SAP130: variants seen among roughly 807,000 people sequenced by gnomAD.
SAP130 encodes histone deacetylase complex subunit SAP130.
SAP130 carries 16 observed loss-of-function variants against 103.2 expected under a neutral mutation model. The observed-to-expected ratio is 0.16, with a 90% CI of 0.10 to 0.24. SAP130 has a LOEUF of 0.24. SAP130 is among the 10% of genes least tolerant of loss of function. The pLI is 1.00. For synonymous variants in SAP130, 477 were observed against 497.0 expected, an observed-to-expected ratio of 0.96 and a Z score of 0.53; for missense variants, 990 against 1,359.7, an observed-to-expected ratio of 0.73 and a Z score of 4.28.
At chr2:127,977,654 G>A (rs1045564517) in intron 15 of SAP130, among the ~76,000 whole-genome samples, 9 of 152,168 alleles carry the variant, frequency 5.9e-5, no homozygotes, top group African/African-American at 9.7e-5. Flanking sequence ...ATAGGAATGC[G>A]CAATGCCCAC....
Position 127,989,915 on chromosome 2 carries a change from A to G in SAP130, c.1478-49T>C, listed in dbSNP as rs755292091. 6.5e-7 allele frequency: 1 copy of G among 1,546,066 alleles called. No individual in the cohort carries two copies. The highest frequency in any genetic ancestry group is 1.8e-5 in the Admixed American group (1 of 57,076). On this transcript the variant is annotated intron_variant, in intron 12 of 20. Transcript: ENST00000643581. This position sits in a 1 kb window ranked among gnomAD's most constrained non-coding sequence, Gnocchi z 4.6. ...TATAAGAAGGTTAGCTTCATTTCAC[A>G]CAGTCCACATAAAGAGAGAAACACT...
intron 15 of SAP130, among the ~76,000 whole-genome samples, chr2:127,967,310 A>G (rs1207944691): frequency 6.6e-6 from 1 of 152,250 alleles, no homozygotes; most frequent in Non-Finnish European, 1.5e-5. Context: ...AAACCTTCGC[A>G]CATCAAAGAA....
At chr2:128,027,107 G>GCCGCCCGCA (rs757242055) in intron 1 of SAP130, 4 of 1,416,342 alleles carry the variant, frequency 2.8e-6, no homozygotes, top group East Asian at 3.0e-5. Context: ...GCCGCCGCCC[G>GCCGCCCGCA]CCGCCCGCAC....
Position 127,942,689 on chromosome 2 carries a change from G to A in SAP130, c.2902-152C>T. ...TTCTCCTAAGGACTAAGATACTAAGGTTTAAAAACAGTAAAGGGGCTGGGC... is the reference window on the plus strand; with the variant it reads ...TTCTCCTAAGGACTAAGATACTAAGATTTAAAAACAGTAAAGGGGCTGGGC... On this transcript the variant is annotated intron_variant, in intron 19 of 20. Coordinates refer to ENST00000643581, the MANE Select transcript of SAP130 (RefSeq NM_001330301.2). The surrounding 1 kb of genome is among the most constrained non-coding windows in gnomAD (Gnocchi z 4.8). 6 of 609,388 alleles carry A rather than the reference G, an allele frequency of 9.8e-6. No individual in the cohort carries two copies. The highest frequency in any genetic ancestry group is 1.7e-5 in the Non-Finnish European group (6 of 342,916). The allele number at this position is 609,388 out of a possible 1,614,324, so 37.7% of individuals were successfully genotyped here.
chr2:127,955,368 T>G lies in SAP130; in HGVS notation c.2064-24A>C. 3 of 1,503,278 alleles carry G rather than the reference T, an allele frequency of 2.0e-6. No individual in the cohort carries two copies. The highest frequency in any genetic ancestry group is 2.7e-6 in the Non-Finnish European group (3 of 1,117,128). 93.1% of individuals were successfully genotyped at this position (1,503,278 alleles called of 1,614,324 possible). A position where few individuals can be genotyped will look rare whatever the true frequency, so the allele number is the denominator to read the frequency against. The stretch of plus-strand genomic sequence containing the variant: ...CACTAAAACACAAAAGAAAAGCACA[T>G]GTAGCAAATAAGAAAAAAACTGCCT... On this transcript the variant is annotated intron_variant, in intron 15 of 20. Coordinates refer to ENST00000643581, the MANE Select transcript of SAP130 (RefSeq NM_001330301.2). The surrounding 1 kb of genome is among the most constrained non-coding windows in gnomAD (Gnocchi z 4.9).
chr2:127,970,801 T>A (rs1681029857), intron 15 of SAP130, among the ~76,000 whole-genome samples: 1 of 152,108 alleles, frequency 6.6e-6, no homozygotes, highest in South Asian at 2.1e-4. Context: ...AATGACCCTA[T>A]TTCCAAATAA....
chr2:128,021,982 A>C (rs1685191717), intron 2 of SAP130, among the ~76,000 whole-genome samples: 1 of 152,244 alleles, frequency 6.6e-6, no homozygotes, highest in African/African-American at 2.4e-5. Flanking sequence ...ATTTACATAT[A>C]AAATTCACTA....
chr2:127,995,417 T>A, intron 11 of SAP130, among the ~76,000 whole-genome samples: 1 of 152,180 alleles, frequency 6.6e-6, no homozygotes, highest in East Asian at 1.9e-4. Context: ...TGAGATCATG[T>A]GAGCACCAAA....
chr2:127,980,775 C>G (rs1262771405), intron 14 of SAP130, among the ~76,000 whole-genome samples: 3 of 152,004 alleles, frequency 2.0e-5, no homozygotes, highest in African/African-American at 7.3e-5. Flanking sequence ...GAAATCCCAT[C>G]TCTACTAAAA....
At chr2:127,960,993 C>CTTT (rs772565129) in intron 15 of SAP130, among the ~76,000 whole-genome samples, 1 of 137,256 alleles carries the variant, frequency 7.3e-6, no homozygotes, top group Non-Finnish European at 1.6e-5. Context: ...TTCTTTCTTT[C>CTTT]TTTTTTTTTT....
chr2:127,948,150 T>C (rs530308215), intron 18 of SAP130, among the ~76,000 whole-genome samples: 20 of 152,048 alleles, frequency 1.3e-4, no homozygotes, highest in Non-Finnish European at 2.6e-4. Context: ...TCAAAGTGAG[T>C]TTCTTGTACA....
chr2:128,016,425 A>G lies in SAP130; in HGVS notation c.471T>C (p.Ala157=). 6.2e-7 allele frequency: 1 copy of G among 1,613,936 alleles called. No homozygotes were observed. The change falls in exon 4 of 21, where the codon GCT becomes GCC. Residue 157 remains alanine (A), a synonymous_variant. Transcript: ENST00000643581. ...TVTMESSIPQ[A]SAIPVATISG... ...TGATTGTTGCCACAGGAATGGCTGA[A>G]GCTTGAGGGATGCTACTCTCCATGG...
At position 127,959,591 on chromosome 2, in the gene SAP130, C is replaced by T. The variant is rs563919299; in HGVS notation, c.2064-4247G>A. The stretch of plus-strand genomic sequence containing the variant: ...CTGGTGTAGTTTGAGAGGAGGCCTG[C>T]TAAAGTATAACCTATATATAAATCC... On this transcript the variant is annotated intron_variant, in intron 15 of 20. Coordinates refer to ENST00000643581, the MANE Select transcript of SAP130 (RefSeq NM_001330301.2). 3.3e-5 allele frequency among the ~76,000 whole-genome samples: 5 copies of T among 152,228 alleles called. No individual in the cohort carries two copies. In the East Asian group the frequency reaches 9.7e-4, roughly 29 times the overall value.
intron 4 of SAP130, among the ~76,000 whole-genome samples, chr2:128,015,444 G>C (rs957975327): frequency 6.6e-6 from 1 of 152,098 alleles, no homozygotes; most frequent in Non-Finnish European, 1.5e-5. Context: ...ACTTCTGAGA[G>C]TACTCAGCAG....
intron 14 of SAP130, among the ~76,000 whole-genome samples, chr2:127,979,650 C>T (rs1317844589): frequency 6.6e-6 from 1 of 152,038 alleles, no homozygotes; most frequent in African/African-American, 2.4e-5. Flanking sequence ...TGAACAATGA[C>T]TGGCTATTTG....
At chr2:128,002,437 G>A (rs1341567807) in intron 7 of SAP130, among the ~76,000 whole-genome samples, 1 of 152,004 alleles carries the variant, frequency 6.6e-6, no homozygotes, top group Non-Finnish European at 1.5e-5. Context: ...GCTGAGGGAG[G>A]AGAATCACTT....
At chr2:128,002,501 C>A (rs539754758) in intron 7 of SAP130, among the ~76,000 whole-genome samples, 1 of 151,976 alleles carries the variant, frequency 6.6e-6, no homozygotes, top group Non-Finnish European at 1.5e-5. Flanking sequence ...TGCACTCTAG[C>A]CTGGGTGACA....
In SAP130 at chr2:128,013,023, G is replaced by C; in HGVS notation, c.744+7C>G. ...AGGCCCTTAATGCACCCCAGGCTCC[G>C]ACGTGCCTGGATTGGTTGGTGAATG... On this transcript the variant is annotated splice_region_variant and intron_variant, in intron 6 of 20. Transcript: ENST00000643581. The C allele has an allele frequency of 1.2e-6, 2 of 1,603,460 alleles. No individual in the cohort carries two copies. Among genetic ancestry groups the C allele is most frequent in the Non-Finnish European group, 1.7e-6 (2 of 1,174,760 alleles).
chr2:127,950,655 A>G (rs969128096), intron 16 of SAP130, among the ~76,000 whole-genome samples: 1 of 152,228 alleles, frequency 6.6e-6, no homozygotes, highest in Non-Finnish European at 1.5e-5. Flanking sequence ...ATATTCAGCT[A>G]AAGAATGTAC....
Sources: allele counts gnomAD v4.1 joint callset (sites outside exome capture counted in the v4.1 genomes callset), GRCh38; gene constraint gnomAD v4.1.1; non-coding constraint Gnocchi (gnomAD v3.1); transcripts MANE v1.5; gene names NCBI Gene and HGNC (gene_info 2026-07-23, HGNC 2026-07-21).